Variants in IMPACT observed in about 807,000 individuals in gnomAD.
The protein encoded by IMPACT is impact RWD domain protein, also known as protein IMPACT.
Under a neutral mutation model 47.5 loss-of-function variants are expected in IMPACT, and 35 were observed. That is an observed-to-expected ratio of 0.74 (90% confidence interval 0.56 to 0.98). The LOEUF is 0.98. Among genes scored for constraint, IMPACT ranks in the 50% least tolerant of loss-of-function variants. The probability of loss-of-function intolerance (pLI) is 0.00; values close to 1 mark genes in which losing one functional copy is unlikely to be tolerated. For synonymous variants in IMPACT, 118 were observed against 125.6 expected (o/e 0.94, Z 0.40); for missense variants, 373 against 394.8 (o/e 0.94, Z 0.47).
At chr18:24,429,036 T>C (rs1908683815) in intron 3 of IMPACT, 115 bp downstream of exon 3, 1 of 626,750 alleles carries the variant, frequency 1.6e-6, no homozygotes, top group African/African-American at 1.9e-5. Flanking sequence ...ATATAGAAAT[T>C]AAAAATACCT....
chr18:24,433,291 C>T (rs1326574933), intron 4 of IMPACT, among the ~76,000 whole-genome samples: 1 of 148,706 alleles, frequency 6.7e-6, no homozygotes, highest in African/African-American at 2.5e-5. Context: ...GCTCTGCCTC[C>T]CGGGTTCACG....
rs780871298 is a variant in IMPACT at position 24,427,901 on chromosome 18, A to C, written c.37-18A>C. 1 of 1,593,094 alleles carries C rather than the reference A, an allele frequency of 6.3e-7. No individual in the cohort carries two copies. Among genetic ancestry groups the C allele is most frequent in the African/African-American group, 1.4e-5 (1 of 73,668 alleles). ...GATGTGTACATTTGTTGACTTTTAA[A>C]AAATCAATTTCTTTCAGAATGAGGA... is the stretch of plus-strand genomic sequence containing the variant. On this transcript the variant is annotated intron_variant, in intron 1 of 10. Transcript: ENST00000284202.
intron 1 of IMPACT, chr18:24,427,643 A>G: frequency 2.7e-6 from 1 of 366,454 alleles, no homozygotes; most frequent in South Asian, 3.9e-5. Flanking sequence ...ACTACAAAGT[A>G]TGGGAGTGCA....
At chr18:24,427,060 C>T in intron 1 of IMPACT, 1 of 378,008 alleles carries the variant, frequency 2.6e-6, no homozygotes, top group Non-Finnish European at 4.7e-6. Context: ...CAGCTCTGGG[C>T]CGAAGGCAAA....
intron 4 of IMPACT, among the ~76,000 whole-genome samples, chr18:24,433,184 C>CTTTTTTTTTT (rs35543338): frequency 2.5e-5 from 2 of 81,100 alleles, no homozygotes; most frequent in Admixed American, 2.0e-4. Flanking sequence ...ACTTTTAAAA[C>CTTTTTTTTTT]TTTTTTTTTT....
rs982306738 is a variant in IMPACT, at chr18:24,426,707, C to G, written c.-50C>G. 3 of 1,229,410 alleles carry G rather than the reference C, an allele frequency of 2.4e-6. No individual in the cohort carries two copies. The highest frequency in any genetic ancestry group is 3.1e-5 in the African/African-American group (2 of 63,992). The allele number at this position is 1,229,410 out of a possible 1,614,324, so 76.2% of individuals were successfully genotyped here. ...GCTCGCAGCCGCAGCGCCCCGCCCC[C>G]GCGCTCCGGACCTGGCAGGCGGCGG... On this transcript the variant is annotated 5_prime_UTR_variant, in exon 1 of 11. Transcript: ENST00000284202.
At chr18:24,430,020 G>A (rs555204993) in intron 3 of IMPACT, among the ~76,000 whole-genome samples, 49 of 152,116 alleles carry the variant, frequency 3.2e-4, no homozygotes, top group African/African-American at 1.1e-3. Context: ...CTCGTGATCT[G>A]CCCGCCTCGG....
At chr18:24,435,865 A>G (rs1321011408) in intron 4 of IMPACT, among the ~76,000 whole-genome samples, 1 of 138,986 alleles carries the variant, frequency 7.2e-6, no homozygotes, top group African/African-American at 2.5e-5. Context: ...AGAGACTGGA[A>G]GATAAGGGCA....
chr18:24,445,456 T>A lies in IMPACT; in HGVS notation c.658T>A (p.Tyr220Asn). ...AATAGCTAGTGCCACCCACAACATC[T>A]ATGCCTACAGGTGAGTAATCATCAC... ...KKIASATHNI[Y>N]AYRIYCEDKQ... The change falls in exon 8 of 11, where the codon TAT becomes AAT. Residue 220 changes from tyrosine to asparagine, a missense_variant. Physicochemically the swap from Tyr to Asn is moderately radical, Grantham distance 143. Coordinates refer to ENST00000284202, the MANE Select transcript of IMPACT (RefSeq NM_018439.4). 1 of 1,600,154 alleles carries A rather than the reference T, an allele frequency of 6.2e-7. No homozygotes were observed. The highest frequency in any genetic ancestry group is 8.5e-7 in the Non-Finnish European group (1 of 1,171,306).
At chr18:24,434,380 C>G (rs1396986697) in intron 4 of IMPACT, among the ~76,000 whole-genome samples, 1 of 151,918 alleles carries the variant, frequency 6.6e-6, no homozygotes, top group African/African-American at 2.4e-5. Flanking sequence ...GGAAGGGGCT[C>G]TTTAGAAGAG....
chr18:24,440,657 G>T lies in IMPACT; in HGVS notation c.490+39G>T, dbSNP rs73398278. On this transcript the variant is annotated intron_variant, in intron 6 of 10. Coordinates refer to ENST00000284202, the MANE Select transcript of IMPACT (RefSeq NM_018439.4). ...AACTAATTTCTTTTGAGGAGAGTGG[G>T]TTGGTAGTATTATGTATTGTTCTTT... 3,334 of 1,558,532 alleles carry T rather than the reference G, an allele frequency of 2.1e-3. 57 individuals carry two copies. The African/African-American group carries it at 0.043, about 20-fold the overall frequency.
intron 8 of IMPACT, among the ~76,000 whole-genome samples, chr18:24,447,166 G>A (rs1263397754): frequency 3.3e-5 from 5 of 152,216 alleles, no homozygotes; most frequent in Non-Finnish European, 2.9e-5. Flanking sequence ...TGGATGAAGG[G>A]AAGGAAGGAT....
chr18:24,448,262 T>C (rs1568090453), intron 9 of IMPACT, 79 bp downstream of exon 9: 8 of 822,628 alleles, frequency 9.7e-6, no homozygotes, highest in Non-Finnish European at 1.4e-5. Context: ...CATTTAGTAA[T>C]AGCTAAGTCA....
Position 24,430,392 on chromosome 18 carries a change from A to G in IMPACT, c.281+8A>G, listed in dbSNP as rs1908722269. The G allele has an allele frequency of 6.3e-7, 1 of 1,584,396 alleles. No homozygotes were observed. Among genetic ancestry groups the G allele is most frequent in the African/African-American group, 1.4e-5 (1 of 73,684 alleles). On this transcript the variant is annotated splice_region_variant and intron_variant, in intron 4 of 10. Transcript: ENST00000284202. Reference sequence around the variant, plus strand: ...CCTTGAGGAAATATATATGTAAGTGACAGGCGATTTTTTAAAATAATTCTG... The same window carrying G: ...CCTTGAGGAAATATATATGTAAGTGGCAGGCGATTTTTTAAAATAATTCTG...
At chr18:24,426,999 T>C (rs112940179) in intron 1 of IMPACT, 1 of 394,240 alleles carries the variant, frequency 2.5e-6, no homozygotes, top group Non-Finnish European at 4.5e-6. Context: ...GCGGCCGCGG[T>C]CTCGGCCTGT....
At chr18:24,436,488 C>T (rs1908944749) in intron 4 of IMPACT, among the ~76,000 whole-genome samples, 1 of 151,804 alleles carries the variant, frequency 6.6e-6, no homozygotes, top group Non-Finnish European at 1.5e-5. Flanking sequence ...TTTAAGCTAT[C>T]CTCCTACGGT....
chr18:24,427,233 T>G (rs1465873724), intron 1 of IMPACT: 1 of 167,100 alleles, frequency 6.0e-6, no homozygotes, highest in Non-Finnish European at 1.3e-5. Context: ...GAGCTTTCCC[T>G]GTGCCTTGTT....
intron 8 of IMPACT, among the ~76,000 whole-genome samples, chr18:24,447,265 A>G (rs1015849003): frequency 3.3e-5 from 5 of 152,174 alleles, no homozygotes; most frequent in Non-Finnish European, 7.4e-5. Flanking sequence ...ATTTACATTA[A>G]AAGTTTACAG....
intron 6 of IMPACT, among the ~76,000 whole-genome samples, chr18:24,441,866 A>G (rs1909123332): frequency 6.6e-6 from 1 of 152,170 alleles, no homozygotes; most frequent in Non-Finnish European, 1.5e-5. Context: ...TCTTTTGAAA[A>G]CAGGATCTAC....
Sources: allele counts gnomAD v4.1 joint callset (sites outside exome capture counted in the v4.1 genomes callset), GRCh38; gene constraint gnomAD v4.1.1; transcripts MANE v1.5; gene names NCBI Gene and HGNC (gene_info 2026-07-23, HGNC 2026-07-21).